The following SH2D1A variants were observed in gnomAD, a reference collection of about 807,000 sequenced individuals.
The protein encoded by SH2D1A is SH2 domain-containing protein 1A.
In SH2D1A, 6 loss-of-function variants were observed where a neutral mutation model predicts 10.1. The ratio of observed to expected loss-of-function variants is 0.60; its 90% CI spans 0.33 to 1.18. The LOEUF is 1.18. Among genes scored for constraint, SH2D1A ranks in the 50% most tolerant of loss-of-function variants. The pLI, the probability that SH2D1A is intolerant of heterozygous loss-of-function variation, is 0.04. For missense variants in SH2D1A, 51 were observed against 97.6 expected (o/e 0.52, Z 2.01); for synonymous variants, 42 against 36.9 (o/e 1.14, Z -0.51).
rs2060072088 is a variant in SH2D1A, at chrX:124,372,525, G to A, written c.*1134G>A. 1.2e-5 allele frequency: 2 copies of A among 170,714 alleles called. No homozygotes were observed. 14.1% of individuals were successfully genotyped at this position (170,714 alleles called of 1,213,427 possible). On this transcript the variant is annotated 3_prime_UTR_variant, in exon 4 of 4. Coordinates refer to ENST00000371139, the MANE Select transcript of SH2D1A (RefSeq NM_002351.5). ...AAAATAACGATAAAAGACAGTGAAA[G>A]AAAATAACAATAAAAGACAAGGAAA...
intron 1 of SH2D1A, among the ~76,000 whole-genome samples, chrX:124,362,196 C>G (rs2060041660): frequency 1.8e-5 from 2 of 111,971 alleles, no homozygotes; most frequent in South Asian, 7.5e-4. Context: ...ACTATAGGCC[C>G]AAAGTGCACA....
At chrX:124,369,226 G>A (rs760582357) in intron 2 of SH2D1A, among the ~76,000 whole-genome samples, 1 of 110,437 alleles carries the variant, frequency 9.1e-6, no homozygotes, top group Non-Finnish European at 1.9e-5. Flanking sequence ...AGATGGAATA[G>A]CTGAAAAACA....
chrX:124,367,402 A>C (rs894153592), intron 2 of SH2D1A, among the ~76,000 whole-genome samples: 1 of 111,990 alleles, frequency 8.9e-6, no homozygotes, highest in African/African-American at 3.2e-5. Flanking sequence ...ATTGAAGACC[A>C]GCTGTGATCT....
rs1823278439 is a variant in SH2D1A at position 124,371,684 on chromosome X, T to C, written c.*293T>C. The stretch of plus-strand genomic sequence containing the variant: ...TTTATAAAGGATTAATGTCAATTCT[T>C]GCCAAATATAAATAAAAATAATCCT... On this transcript the variant is annotated 3_prime_UTR_variant, in exon 4 of 4. Transcript: ENST00000371139. 5.0e-6 allele frequency: 1 copy of C among 199,747 alleles called. No homozygotes were observed. The highest frequency in any genetic ancestry group is 7.6e-5 in the Admixed American group (1 of 13,097). The allele number at this position is 199,747 out of a possible 1,213,427, so 16.5% of individuals were successfully genotyped here. A position where few individuals can be genotyped will look rare whatever the true frequency, so the allele number is the denominator to read the frequency against.
chrX:124,349,643 C>A (rs2060002724), intron 1 of SH2D1A, among the ~76,000 whole-genome samples: 1 of 111,026 alleles, frequency 9.0e-6, no homozygotes, highest in African/African-American at 3.3e-5. Context: ...CATATGCCTT[C>A]AAACTGTACT....
At chrX:124,366,085 A>T (rs1386331928) in intron 2 of SH2D1A, among the ~76,000 whole-genome samples, 1 of 24,250 alleles carries the variant, frequency 4.1e-5, no homozygotes, top group East Asian at 1.8e-3. Context: ...ACTTTTAGTG[A>T]CTATGTGAAA....
At chrX:124,355,869 C>T (rs757492674) in intron 1 of SH2D1A, among the ~76,000 whole-genome samples, 1 of 111,566 alleles carries the variant, frequency 9.0e-6, no homozygotes, top group African/African-American at 3.3e-5. Context: ...CCACTTTTTA[C>T]ACATACTGTC....
intron 2 of SH2D1A, among the ~76,000 whole-genome samples, chrX:124,366,206 T>A (rs1382979437): frequency 9.0e-6 from 1 of 111,178 alleles, no homozygotes; most frequent in African/African-American, 3.3e-5. Flanking sequence ...GCTTATTTTC[T>A]AAGAGACTAC....
At chrX:124,367,381 C>A (rs1056687046) in intron 2 of SH2D1A, among the ~76,000 whole-genome samples, 1 of 111,762 alleles carries the variant, frequency 8.9e-6, no homozygotes, top group Non-Finnish European at 1.9e-5. Flanking sequence ...GAAAAAATTT[C>A]TCTAGAGCAT....
intron 1 of SH2D1A, among the ~76,000 whole-genome samples, chrX:124,350,496 T>G (rs1288185696): frequency 2.5e-5 from 1 of 40,325 alleles, no homozygotes; most frequent in Non-Finnish European, 3.9e-5. Context: ...TTATATACTA[T>G]ATATAATATA....
At position 124,355,918 on chromosome X, in the gene SH2D1A, T is replaced by TG. The variant is rs916702060; in HGVS notation, c.137+9139_137+9140insG. 1.3e-4 allele frequency among the ~76,000 whole-genome samples: 14 copies of TG among 111,100 alleles called. No homozygotes were observed. The South Asian group carries it at 3.4e-3, about 27-fold the overall frequency. On this transcript the variant is annotated intron_variant, in intron 1 of 3. Transcript: ENST00000371139. ...ATTTTTATTTTTTGTTTTGTGTGTG[T>TG]TTTTTTTAATACTTTAAGTTCTAGG...
rs1452952803 is a variant in SH2D1A at position 124,348,089 on chromosome X, C to T, written c.137+1310C>T. Among the ~76,000 whole-genome samples, 5 of 111,821 alleles carry T rather than the reference C, an allele frequency of 4.5e-5. No individual in the cohort carries two copies. In the East Asian group the frequency reaches 8.4e-4, roughly 19 times the overall value. On this transcript the variant is annotated intron_variant, in intron 1 of 3. Transcript: ENST00000371139. ...ATATTGTTTTTTAAAAACGGTCAAGCCTTGTTTGTGGCAGCTCTCAGGTCA... is the reference window on the plus strand; with the variant it reads ...ATATTGTTTTTTAAAAACGGTCAAGTCTTGTTTGTGGCAGCTCTCAGGTCA...
intron 2 of SH2D1A, among the ~76,000 whole-genome samples, chrX:124,366,876 AACACACAC>A (rs59536671): frequency 0.047 from 4,070 of 86,999 alleles, 210 homozygotes; most frequent in African/African-American, 0.15. Flanking sequence ...TATACTGACA[AACACACAC>A]ACACACACAC....
At chrX:124,349,192 C>T (rs1027167649) in intron 1 of SH2D1A, among the ~76,000 whole-genome samples, 1 of 112,027 alleles carries the variant, frequency 8.9e-6, no homozygotes, top group African/African-American at 3.2e-5. Context: ...AGTTCCCTTA[C>T]GGTGTCTTTC....
chrX:124,366,115 G>C (rs1408611743), intron 2 of SH2D1A, among the ~76,000 whole-genome samples: 3 of 109,957 alleles, frequency 2.7e-5, no homozygotes, highest in Non-Finnish European at 5.7e-5. Context: ...ATCAAAAGTA[G>C]GTAAAATAAT....
chrX:124,370,367 A>G, intron 3 of SH2D1A, 47 bp downstream of exon 3: 2 of 1,040,218 alleles, frequency 1.9e-6, no homozygotes, highest in Non-Finnish European at 2.7e-6. Flanking sequence ...GCTCAGAGTT[A>G]TGAGTCAACC....
chrX:124,363,039 G>A (rs777227869), intron 1 of SH2D1A, among the ~76,000 whole-genome samples: 1 of 111,363 alleles, frequency 9.0e-6, no homozygotes, highest in East Asian at 2.8e-4. Flanking sequence ...CCAGCCTCCA[G>A]AACTGTGAGA....
At chrX:124,369,420 T>C (rs895773480) in intron 2 of SH2D1A, among the ~76,000 whole-genome samples, 1 of 111,965 alleles carries the variant, frequency 8.9e-6, no homozygotes, top group African/African-American at 3.2e-5. Context: ...ATTTTAATAG[T>C]CACCTGCAAA....
chrX:124,351,259 G>A (rs1039317932), intron 1 of SH2D1A, among the ~76,000 whole-genome samples: 2 of 106,827 alleles, frequency 1.9e-5, no homozygotes, highest in Non-Finnish European at 3.9e-5. Flanking sequence ...TGGCTGCATG[G>A]TAGTCCAGCT....
Sources: gnomAD v4.1 joint callset for allele counts (sites outside exome capture counted in the v4.1 genomes callset) on GRCh38, gnomAD v4.1.1 for gene constraint, MANE v1.5 for transcripts, NCBI Gene and HGNC (gene_info 2026-07-23, HGNC 2026-07-21) for gene names.